Variants in FAM83B observed in about 807,000 individuals in gnomAD.
The protein encoded by FAM83B is scaffolding CK1 anchoring protein B.
Under a neutral mutation model 38.8 loss-of-function variants are expected in FAM83B, and 26 were observed. That is an observed-to-expected ratio of 0.67 (90% CI 0.49 to 0.93). The LOEUF is 0.93. Among genes scored for constraint, FAM83B ranks in the 40% least tolerant of loss-of-function variants. FAM83B has a pLI of 0.00. For synonymous variants in FAM83B, 419 were observed against 423.1 expected (o/e 0.99, Z 0.12); for missense variants, 1,237 against 1,197.3 (o/e 1.03, Z -0.49).
intron 1 of FAM83B, among the ~76,000 whole-genome samples, chr6:54,856,028 A>G (rs1479441869): frequency 2.6e-5 from 4 of 152,250 alleles, no homozygotes; most frequent in African/African-American, 7.2e-5. Context: ...TTCCATGGAA[A>G]GGGTGCCAAG....
chr6:54,919,244 C>T (rs1397390147), intron 2 of FAM83B, among the ~76,000 whole-genome samples: 1 of 152,036 alleles, frequency 6.6e-6, no homozygotes, highest in Non-Finnish European at 1.5e-5. Flanking sequence ...CTTTAAAAAT[C>T]AAAGATGCCT....
At chr6:54,863,317 A>T (rs1771629299) in intron 1 of FAM83B, among the ~76,000 whole-genome samples, 1 of 152,168 alleles carries the variant, frequency 6.6e-6, no homozygotes, top group South Asian at 2.1e-4. Context: ...TCCATCTTAG[A>T]TTATTACCTA....
At chr6:54,858,896 A>G (rs1771507928) in intron 1 of FAM83B, among the ~76,000 whole-genome samples, 1 of 152,194 alleles carries the variant, frequency 6.6e-6, no homozygotes, top group Non-Finnish European at 1.5e-5. Flanking sequence ...AATCACTTTT[A>G]CAGTACTCAG....
At chr6:54,881,533 A>G (rs1581897475) in intron 2 of FAM83B, among the ~76,000 whole-genome samples, 1 of 152,138 alleles carries the variant, frequency 6.6e-6, no homozygotes, top group African/African-American at 2.4e-5. Context: ...TCAATCCAAT[A>G]TACGCTGCTG....
At chr6:54,848,171 A>T (rs368350449) in intron 1 of FAM83B, among the ~76,000 whole-genome samples, 5 of 152,280 alleles carry the variant, frequency 3.3e-5, no homozygotes, top group Non-Finnish European at 7.4e-5. Context: ...AAACAGAATG[A>T]TGGAAGGTTG....
intron 3 of FAM83B, among the ~76,000 whole-genome samples, 196 bp downstream of exon 3, chr6:54,926,731 GTGTT>G (rs939746232): frequency 2.0e-5 from 3 of 151,938 alleles, no homozygotes; most frequent in Non-Finnish European, 2.9e-5. Flanking sequence ...CTTCATGGGA[GTGTT>G]TGTTTGTTTG....
At chr6:54,891,135 C>T (rs768328550) in intron 2 of FAM83B, among the ~76,000 whole-genome samples, 1 of 152,000 alleles carries the variant, frequency 6.6e-6, no homozygotes, top group Non-Finnish European at 1.5e-5. Context: ...GCCTTTTAAC[C>T]ATTAAACATT....
rs532911755 is a variant in FAM83B, at chr6:54,927,478, T to A, written c.610-30T>A. 20 of 1,517,658 alleles carry A rather than the reference T, an allele frequency of 1.3e-5. 1 individual carries two copies. In the South Asian group the frequency reaches 2.8e-4, roughly 21 times the overall value. 94.0% of individuals were successfully genotyped at this position (1,517,658 alleles called of 1,614,324 possible). ...CAAAATATTCTTTTCCTAGCCATAA[T>A]GTCTGCTTTTTATTTACATATAATT... is the stretch of plus-strand genomic sequence containing the variant. On this transcript the variant is annotated intron_variant, in intron 3 of 4. Coordinates refer to ENST00000306858, the MANE Select transcript of FAM83B (RefSeq NM_001010872.3).
chr6:54,908,977 A>C (rs192005425), intron 2 of FAM83B, among the ~76,000 whole-genome samples: 3 of 152,240 alleles, frequency 2.0e-5, no homozygotes, highest in Non-Finnish European at 2.9e-5. Context: ...AATAAATATT[A>C]GTTTCTATGA....
chr6:54,892,655 AC>A (rs1266184658), intron 2 of FAM83B, among the ~76,000 whole-genome samples: 2 of 150,294 alleles, frequency 1.3e-5, no homozygotes, highest in East Asian at 3.9e-4. Flanking sequence ...TTCCAAAAAT[AC>A]TCTTCTCCAT....
intron 1 of FAM83B, among the ~76,000 whole-genome samples, chr6:54,863,402 C>T (rs1461678814): frequency 2.0e-5 from 3 of 152,128 alleles, no homozygotes; most frequent in Admixed American, 6.6e-5. Flanking sequence ...AGAAACCCTT[C>T]GGGTCAGTAC....
rs1487789604 is a variant in FAM83B at position 54,913,348 on chromosome 6, C to T, written c.445-13023C>T. Among the ~76,000 whole-genome samples, 8 of 152,188 alleles carry T rather than the reference C, an allele frequency of 5.3e-5. No individual in the cohort carries two copies. In the South Asian group the frequency reaches 1.7e-3, roughly 32 times the overall value. On this transcript the variant is annotated intron_variant, in intron 2 of 4. Transcript: ENST00000306858. ...TTTTATTCATAGCCACTATTTAATGCTTCCTTACCATGTGCTACTGCTCTA... is the reference window on the plus strand; with the variant it reads ...TTTTATTCATAGCCACTATTTAATGTTTCCTTACCATGTGCTACTGCTCTA...
chr6:54,882,302 T>C (rs1489664426), intron 2 of FAM83B, among the ~76,000 whole-genome samples: 1 of 152,224 alleles, frequency 6.6e-6, no homozygotes, highest in Non-Finnish European at 1.5e-5. Context: ...TAACAGCTAA[T>C]GTTTAATGCT....
chr6:54,932,528 G>A (rs945171352), intron 4 of FAM83B, among the ~76,000 whole-genome samples: 2 of 152,064 alleles, frequency 1.3e-5, no homozygotes, highest in Non-Finnish European at 2.9e-5. Flanking sequence ...AATAGTACAG[G>A]TCACTTCATT....
intron 1 of FAM83B, among the ~76,000 whole-genome samples, chr6:54,865,371 C>T (rs990725106): frequency 1.3e-5 from 2 of 152,142 alleles, no homozygotes; most frequent in Admixed American, 6.5e-5. Flanking sequence ...TCCTTATAGA[C>T]ACAAGTCATA....
At chr6:54,936,075 C>T (rs1051435914) in intron 4 of FAM83B, among the ~76,000 whole-genome samples, 3 of 151,978 alleles carry the variant, frequency 2.0e-5, no homozygotes, top group African/African-American at 2.4e-5. Flanking sequence ...CTTCGGACTT[C>T]ATAGTTAATG....
At chr6:54,854,465 G>C (rs1053116005) in intron 1 of FAM83B, among the ~76,000 whole-genome samples, 5 of 152,126 alleles carry the variant, frequency 3.3e-5, no homozygotes, top group Admixed American at 1.3e-4. Flanking sequence ...CCACCACCCT[G>C]ATCAGTCAGC....
chr6:54,851,363 T>TC (rs1307692738), intron 1 of FAM83B, among the ~76,000 whole-genome samples: 1 of 152,074 alleles, frequency 6.6e-6, no homozygotes, highest in African/African-American at 2.4e-5. Flanking sequence ...TTACTTTTTT[T>TC]CCCGTTCATC....
At position 54,940,468 on chromosome 6, in the gene FAM83B, CT is replaced by C; in HGVS notation, c.1498del (p.Tyr500ThrfsTer2). The C allele has an allele frequency of 6.2e-7, 1 of 1,614,052 alleles. No homozygotes were observed. Among genetic ancestry groups the C allele is most frequent in the Non-Finnish European group, 8.5e-7 (1 of 1,180,016 alleles). ...TCCTACGTAACTGGAGAATTGAATC[CT>C]ACTTAAATGATCATTCAGAAGCTAC... ...SFLRNWRIES[Y>X]LNDHSEATPD... is the part of the protein sequence containing the mutation. On this transcript the variant is annotated frameshift_variant, in exon 5 of 5. Transcript: ENST00000306858. LOFTEE classifies it low-confidence loss of function (END_TRUNC).
Sources: allele counts gnomAD v4.1 joint callset (sites outside exome capture counted in the v4.1 genomes callset), GRCh38; gene constraint gnomAD v4.1.1; transcripts MANE v1.5; gene names NCBI Gene and HGNC (gene_info 2026-07-23, HGNC 2026-07-21).